ZDHHC7: variants seen among roughly 807,000 people sequenced by gnomAD.
ZDHHC7 encodes the protein palmitoyltransferase ZDHHC7.
Under a neutral mutation model 34.1 loss-of-function variants are expected in ZDHHC7, and 12 were observed. The observed-to-expected ratio is 0.35, with a 90% CI of 0.23 to 0.57. The LOEUF (loss-of-function observed/expected upper bound fraction) is 0.57. ZDHHC7 is among the 20% of genes least tolerant of loss of function. The pLI is 0.84. For missense variants in ZDHHC7, 388 were observed against 402.7 expected (o/e 0.96, Z 0.31); for synonymous variants, 185 against 155.4 (o/e 1.19, Z -1.42).
chr16:84,993,188 G>A (rs763580422), intron 2 of ZDHHC7, among the ~76,000 whole-genome samples: 5 of 151,900 alleles, frequency 3.3e-5, no homozygotes, highest in Non-Finnish European at 4.4e-5. Context: ...AGGCATGGTG[G>A]CTTGCGCTTA....
At chr16:85,027,310 T>C in the ZDHHC7 span, among the ~76,000 whole-genome samples, 2 of 152,204 alleles carry the variant, frequency 1.3e-5, no homozygotes, top group African/African-American at 4.8e-5. Flanking sequence ...CTCGCTGGAC[T>C]AATTTTAATG....
intron 1 of ZDHHC7, among the ~76,000 whole-genome samples, chr16:85,008,652 C>A (rs1460324621): frequency 6.6e-6 from 1 of 151,992 alleles, no homozygotes; most frequent in Non-Finnish European, 1.5e-5. Flanking sequence ...AAGGGTCACA[C>A]AGCAAGTTGT....
chr16:85,022,122 T>C, the ZDHHC7 span, among the ~76,000 whole-genome samples: 6 of 150,282 alleles, frequency 4.0e-5, no homozygotes, highest in Non-Finnish European at 8.9e-5. Flanking sequence ...ATCGCGCCAC[T>C]GCACTCTAGC....
chr16:84,993,700 G>C (rs1049586752), intron 2 of ZDHHC7, among the ~76,000 whole-genome samples: 1 of 152,122 alleles, frequency 6.6e-6, no homozygotes, highest in Admixed American at 6.6e-5. Context: ...GAGTGAAATA[G>C]AAAAAACTAA....
the ZDHHC7 span, among the ~76,000 whole-genome samples, chr16:85,022,352 C>T: frequency 6.6e-6 from 1 of 151,928 alleles, no homozygotes; most frequent in Non-Finnish European, 1.5e-5. Context: ...GAAACCCTAA[C>T]TCTACTAAAA....
upstream of ZDHHC7, among the ~76,000 whole-genome samples, chr16:85,013,300 T>G (rs1374367469): frequency 6.6e-6 from 1 of 152,154 alleles, no homozygotes; most frequent in East Asian, 1.9e-4. Context: ...TGGAGTGCAG[T>G]GGTGCAATCT....
At chr16:85,014,583 G>A (rs1427505840), upstream of ZDHHC7, among the ~76,000 whole-genome samples, 1 of 152,142 alleles carries the variant, frequency 6.6e-6, no homozygotes, top group Non-Finnish European at 1.5e-5. Flanking sequence ...GCGAGGAAGG[G>A]AGTTAACCTA....
chr16:84,989,113 G>A (rs752013100), intron 3 of ZDHHC7, among the ~76,000 whole-genome samples: 2 of 152,176 alleles, frequency 1.3e-5, no homozygotes, highest in South Asian at 2.1e-4. Context: ...CAAACCCATC[G>A]AAGAGACTCA....
At chr16:85,005,837 A>G (rs1165003912) in intron 1 of ZDHHC7, among the ~76,000 whole-genome samples, 1 of 152,194 alleles carries the variant, frequency 6.6e-6, no homozygotes, top group Non-Finnish European at 1.5e-5. Context: ...CAAATCAGTG[A>G]CATTCCTCAT....
chr16:84,998,259 C>CCA (rs2072609012), intron 1 of ZDHHC7, among the ~76,000 whole-genome samples: 1 of 131,634 alleles, frequency 7.6e-6, no homozygotes, highest in African/African-American at 3.4e-5. Context: ...GCGAGACTGT[C>CCA]TCAAAAAAAA....
chr16:84,986,175 C>T (rs1253860921), intron 3 of ZDHHC7, among the ~76,000 whole-genome samples: 4 of 152,174 alleles, frequency 2.6e-5, no homozygotes, highest in Non-Finnish European at 5.9e-5. Flanking sequence ...GGCGAGGCCA[C>T]CACATGATGT....
At chr16:84,984,761 G>C (rs967192677) in intron 3 of ZDHHC7, among the ~76,000 whole-genome samples, 1 of 152,096 alleles carries the variant, frequency 6.6e-6, no homozygotes, top group Non-Finnish European at 1.5e-5. Context: ...TGGTGTCCTG[G>C]GGGTTTCAAG....
chr16:84,994,643 C>T (rs562659707), intron 2 of ZDHHC7, among the ~76,000 whole-genome samples: 4 of 152,180 alleles, frequency 2.6e-5, no homozygotes. Context: ...CCATGCCTGA[C>T]CTGGGGGTGC....
chr16:85,008,841 T>A (rs965256905), intron 1 of ZDHHC7, among the ~76,000 whole-genome samples: 1 of 150,162 alleles, frequency 6.7e-6, no homozygotes, highest in Admixed American at 6.6e-5. Flanking sequence ...AGGTCAGGAG[T>A]TGGAGACCAG....
chr16:85,009,567 A>C lies in ZDHHC7; in HGVS notation c.-104+1719T>G, dbSNP rs181458769. Among the ~76,000 whole-genome samples the C allele has an allele frequency of 1.2e-3, 182 of 150,842 alleles. 2 individuals are homozygous for C. Among genetic ancestry groups the C allele is most frequent in the African/African-American group, 3.4e-3 (135 of 40,208 alleles). On this transcript the variant is annotated intron_variant, in intron 1 of 7. Coordinates refer to ENST00000313732, the MANE Select transcript of ZDHHC7 (RefSeq NM_017740.3). ...TTTCAAATAGTCTTCTTCTCCTTCA[A>C]CTCTCAAATCAGAAGCCAATGTGGG...
At chr16:84,992,544 C>T (rs1283560346) in intron 2 of ZDHHC7, among the ~76,000 whole-genome samples, 2 of 152,150 alleles carry the variant, frequency 1.3e-5, no homozygotes, top group African/African-American at 4.8e-5. Flanking sequence ...ACGCCCTTCT[C>T]TTATCGGTGT....
Position 84,976,265 on chromosome 16 carries a change from A to G in ZDHHC7, c.*78T>C. On this transcript the variant is annotated 3_prime_UTR_variant, in exon 8 of 8. Transcript: ENST00000313732. ...GTTCCAGTTGCCCTGTTGGTCACAG[A>G]TGAGCTGTTGATATCCTTCAGACCC... 2 of 1,565,958 alleles carry G rather than the reference A, an allele frequency of 1.3e-6. No homozygotes were observed. The highest frequency in any genetic ancestry group is 1.2e-5 in the South Asian group (1 of 86,606).
the ZDHHC7 span, among the ~76,000 whole-genome samples, chr16:85,024,243 T>TG: frequency 6.7e-6 from 1 of 149,490 alleles, no homozygotes; most frequent in East Asian, 2.0e-4. Context: ...TTTTTTTTTT[T>TG]TTTTTTGAGA....
rs763813365 is a variant in ZDHHC7, at chr16:84,990,311, G to C, written c.308C>G (p.Thr103Ser). 1.2e-6 allele frequency: 2 copies of C among 1,613,728 alleles called. No homozygotes were observed. Among genetic ancestry groups the C allele is most frequent in the Non-Finnish European group, 1.7e-6 (2 of 1,179,720 alleles). The change falls in exon 3 of 8, where the codon ACC (threonine) becomes AGC (serine). Residue 103 changes from threonine (T) to serine (S), a missense_variant. Transcript: ENST00000313732. ...GACGCAGCCAGTACTCACAGGGTCGGTGAGCATGGTTCTCAGGTGGGATGA... is the reference window on the plus strand; with the variant it reads ...GACGCAGCCAGTACTCACAGGGTCGCTGAGCATGGTTCTCAGGTGGGATGA... ...ALSSHLRTML[T>S]DPGAVPKGNA...
Sources: gnomAD v4.1 joint callset for allele counts (sites outside exome capture counted in the v4.1 genomes callset) on GRCh38, gnomAD v4.1.1 for gene constraint, MANE v1.5 for transcripts, NCBI Gene and HGNC (gene_info 2026-07-23, HGNC 2026-07-21) for gene names.